The following NLRP4 variants were observed in gnomAD, a reference collection of about 807,000 sequenced individuals.
NLRP4 encodes the protein NLR family pyrin domain containing 4.
NLRP4 carries 44 observed loss-of-function variants against 84.7 expected under a neutral mutation model. That is an observed-to-expected ratio of 0.52 (90% CI 0.41 to 0.67). The LOEUF (loss-of-function observed/expected upper bound fraction) is 0.67, where lower values mean the gene tolerates loss of function less well. NLRP4 is among the 30% of genes least tolerant of loss of function. NLRP4 has a pLI of 0.00. For synonymous variants in NLRP4, 544 were observed against 476.4 expected, an observed-to-expected ratio of 1.14 and a Z score of -1.85; for missense variants, 1,260 against 1,219.4, an observed-to-expected ratio of 1.03 and a Z score of -0.50.
Position 55,878,906 on chromosome 19 carries a change from G to A in NLRP4, c.2809G>A (p.Gly937Arg), listed in dbSNP as rs758997345. ...NLTLNTLDHT[G>R]VVVLCEALRH... Reference sequence around the variant, plus strand: ...GACCTTGAACACCTTGGACCACACAGGGGTGGTTGTACTCTGTGAGGCCCT... The same window carrying A: ...GACCTTGAACACCTTGGACCACACAAGGGTGGTTGTACTCTGTGAGGCCCT... Residue 937 changes from glycine (G) to arginine (R), a missense_variant, in exon 9 of 10, where the codon GGG (glycine) becomes AGG (arginine). By Grantham distance (125) the Gly-to-Arg change is moderately radical (BLOSUM62 -2). Coordinates refer to ENST00000301295, the MANE Select transcript of NLRP4 (RefSeq NM_134444.5). 8 of 1,613,888 alleles carry A rather than the reference G, an allele frequency of 5.0e-6. No homozygotes were observed. Among genetic ancestry groups the A allele is most frequent in the Non-Finnish European group, 6.8e-6 (8 of 1,179,788 alleles).
At chr19:55,840,338 A>ATGTGTGTGTG (rs776659188) in intron 1 of NLRP4, among the ~76,000 whole-genome samples, 165 of 137,028 alleles carry the variant, frequency 1.2e-3, no homozygotes, top group African/African-American at 4.2e-3. Context: ...ACATATGTGT[A>ATGTGTGTGTG]TGTGTATGTG....
intron 1 of NLRP4, among the ~76,000 whole-genome samples, chr19:55,842,122 G>C (rs1983635665): frequency 6.6e-6 from 1 of 152,092 alleles, no homozygotes. Flanking sequence ...CATTCTAACG[G>C]GGTGAGTTAC....
At chr19:55,846,112 A>G (rs1486237991) in intron 1 of NLRP4, among the ~76,000 whole-genome samples, 1 of 152,170 alleles carries the variant, frequency 6.6e-6, no homozygotes, top group Non-Finnish European at 1.5e-5. Flanking sequence ...TATGTCCTGA[A>G]TGGTAATGCC....
chr19:55,874,425 G>A (rs956521652), intron 7 of NLRP4, among the ~76,000 whole-genome samples: 5 of 152,110 alleles, frequency 3.3e-5, no homozygotes, highest in African/African-American at 1.2e-4. Flanking sequence ...TCACACTGAA[G>A]AGTGCAGGTC....
intron 1 of NLRP4, among the ~76,000 whole-genome samples, chr19:55,850,199 G>A (rs1387548676): frequency 6.1e-5 from 9 of 146,762 alleles, no homozygotes; most frequent in East Asian, 4.1e-4. Flanking sequence ...CCGTGGCTGC[G>A]GTGTAATTTC....
At chr19:55,850,788 CCCGAGGCTGCGGTGTAATTT>C (rs1984079602) in intron 1 of NLRP4, among the ~76,000 whole-genome samples, 8 of 47,608 alleles carry the variant, frequency 1.7e-4, no homozygotes, top group Admixed American at 5.9e-4. Context: ...CGGTGTAATT[CCCGAGGCTGCGGTGTAATTT>C]CCGAGGCTGC....
intron 7 of NLRP4, among the ~76,000 whole-genome samples, chr19:55,872,988 A>T (rs302442): frequency 0.52 from 78,981 of 151,998 alleles, 20,771 homozygotes; most frequent in Middle Eastern, 0.64. Flanking sequence ...ACCAGAGGGC[A>T]GTACAGTGAG....
In NLRP4 at chr19:55,871,011, T is replaced by A. The variant is rs1010304915; in HGVS notation, c.2525+14T>A. Reference sequence around the variant, plus strand: ...GGATTCACTGTGGTAGGCTTTTTGCTGTTTCTTTGAAGACCAAGCCGTCTT... The same window carrying A: ...GGATTCACTGTGGTAGGCTTTTTGCAGTTTCTTTGAAGACCAAGCCGTCTT... On this transcript the variant is annotated intron_variant, in intron 7 of 9. Transcript: ENST00000301295. 2 of 1,611,860 alleles carry A rather than the reference T, an allele frequency of 1.2e-6. No homozygotes were observed. The highest frequency in any genetic ancestry group is 3.3e-4 in the Middle Eastern group (2 of 6,012).
At chr19:55,849,855 T>TGCGGTGTAATTTCCGAGGCC in intron 1 of NLRP4, among the ~76,000 whole-genome samples, 1 of 134,458 alleles carries the variant, frequency 7.4e-6, no homozygotes, top group African/African-American at 3.2e-5. Context: ...TTTCCGAGAC[T>TGCGGTGTAATTTCCGAGGCC]GCGGTGTAAT....
Sources: allele counts gnomAD v4.1 joint callset (sites outside exome capture counted in the v4.1 genomes callset), GRCh38; gene constraint gnomAD v4.1.1; transcripts MANE v1.5; gene names NCBI Gene and HGNC (gene_info 2026-07-23, HGNC 2026-07-21).